Variants in AGK observed in about 807,000 individuals in gnomAD.
AGK encodes the protein acylglycerol kinase, also known as acylglycerol kinase, mitochondrial.
AGK carries 52 observed loss-of-function variants against 66.4 expected under a neutral mutation model. That is an observed-to-expected ratio of 0.78 (90% CI 0.63 to 0.99). The LOEUF (loss-of-function observed/expected upper bound fraction) is 0.99, where lower values mean the gene tolerates loss of function less well. Ranked by LOEUF, AGK falls within the 50% of genes least tolerant of loss-of-function variation. The pLI, the probability that AGK is intolerant of heterozygous loss-of-function variation, is 0.00. For missense variants in AGK, 451 were observed against 506.6 expected (o/e 0.89, Z 1.05); for synonymous variants, 182 against 181.1 (o/e 1.00, Z -0.04).
At chr7:141,607,392 A>G (rs1796487090) in intron 5 of AGK, among the ~76,000 whole-genome samples, 1 of 152,098 alleles carries the variant, frequency 6.6e-6, no homozygotes, top group Non-Finnish European at 1.5e-5. Flanking sequence ...GCAATTCCCT[A>G]ATGACATATA....
chr7:141,621,851 T>A, intron 9 of AGK, 50 bp downstream of exon 9: 8 of 1,349,744 alleles, frequency 5.9e-6, no homozygotes, highest in Non-Finnish European at 8.5e-6. Flanking sequence ...AATACTCGCT[T>A]ACATGTTAAA....
chr7:141,635,684 A>G (rs1273589575), intron 10 of AGK, among the ~76,000 whole-genome samples: 1 of 151,846 alleles, frequency 6.6e-6, no homozygotes, highest in African/African-American at 2.4e-5. Context: ...CTGTTATCCT[A>G]TTTCCCATAC....
chr7:141,581,197 C>T (rs774481637), intron 2 of AGK, among the ~76,000 whole-genome samples: 15 of 151,882 alleles, frequency 9.9e-5, no homozygotes, highest in South Asian at 2.1e-4. Context: ...TGAAGTCTTG[C>T]GGCAGTACAG....
chr7:141,628,857 A>G (rs761904553), intron 9 of AGK, among the ~76,000 whole-genome samples: 11 of 152,350 alleles, frequency 7.2e-5, no homozygotes, highest in Non-Finnish European at 1.2e-4. Context: ...TTTTTCCCAT[A>G]TAGACATCTA....
At chr7:141,583,688 C>T (rs1795933548) in intron 2 of AGK, among the ~76,000 whole-genome samples, 1 of 151,912 alleles carries the variant, frequency 6.6e-6, no homozygotes, top group Non-Finnish European at 1.5e-5. Context: ...TGATTAAACA[C>T]CAAGGGAAGA....
chr7:141,609,691 G>A (rs114800923), intron 5 of AGK, among the ~76,000 whole-genome samples: 1,628 of 152,236 alleles, frequency 0.011, 23 homozygotes, highest in African/African-American at 0.037. Context: ...CAGGCCCCTC[G>A]CTCCTCCCTG....
intron 7 of AGK, 23 bp downstream of exon 7, chr7:141,614,201 A>AT: frequency 6.8e-7 from 1 of 1,473,214 alleles, no homozygotes; most frequent in Non-Finnish European, 9.1e-7. Context: ...GAGTAATTGC[A>AT]TTTTAACTTT....
At chr7:141,643,000 T>C (rs1161162074) in intron 13 of AGK, among the ~76,000 whole-genome samples, 4 of 152,210 alleles carry the variant, frequency 2.6e-5, no homozygotes, top group African/African-American at 9.6e-5. Flanking sequence ...TACATTCAGC[T>C]TGTATGCAAA....
intron 6 of AGK, 69 bp from the exon 7 acceptor site, chr7:141,614,077 G>T: frequency 8.5e-7 from 1 of 1,178,210 alleles, no homozygotes; most frequent in South Asian, 1.4e-5. Context: ...TATGAAAATT[G>T]AATCCAATTC....
At chr7:141,568,247 A>G (rs1472046638) in intron 2 of AGK, among the ~76,000 whole-genome samples, 1 of 152,208 alleles carries the variant, frequency 6.6e-6, no homozygotes, top group Non-Finnish European at 1.5e-5. Context: ...GACCCAACAT[A>G]ACTACAAAAG....
At chr7:141,596,422 T>G in intron 3 of AGK, 140 bp from the exon 4 acceptor site, 1 of 653,092 alleles carries the variant, frequency 1.5e-6, no homozygotes. Context: ...TTCGTTAATA[T>G]GAGATCATGA....
chr7:141,630,925 A>G (rs1029595379), intron 9 of AGK, among the ~76,000 whole-genome samples: 3 of 152,230 alleles, frequency 2.0e-5, no homozygotes, highest in African/African-American at 4.8e-5. Flanking sequence ...GCTTCGAGGC[A>G]GAGAGTATGT....
At chr7:141,634,661 G>T (rs1214584884) in intron 10 of AGK, among the ~76,000 whole-genome samples, 1 of 152,204 alleles carries the variant, frequency 6.6e-6, no homozygotes, top group Non-Finnish European at 1.5e-5. Context: ...GAGCAGGACT[G>T]CAGGGGACAC....
intron 10 of AGK, among the ~76,000 whole-genome samples, chr7:141,634,309 G>A (rs1276356155): frequency 6.6e-6 from 1 of 152,202 alleles, no homozygotes; most frequent in Non-Finnish European, 1.5e-5. Context: ...TCATTCTGCA[G>A]CTGCTTAGCT....
intron 2 of AGK, among the ~76,000 whole-genome samples, chr7:141,576,901 G>T (rs1483041812): frequency 6.6e-6 from 1 of 151,994 alleles, no homozygotes; most frequent in Admixed American, 6.6e-5. Context: ...TTAGCTGGGT[G>T]TGGTGGCGGG....
intron 8 of AGK, among the ~76,000 whole-genome samples, chr7:141,618,580 A>T (rs1255048304): frequency 1.3e-5 from 2 of 152,228 alleles, no homozygotes; most frequent in Non-Finnish European, 2.9e-5. Flanking sequence ...ATTAAAACAA[A>T]TATAAATCAA....
chr7:141,554,580 G>A (rs898874962), intron 1 of AGK, among the ~76,000 whole-genome samples: 14 of 152,010 alleles, frequency 9.2e-5, no homozygotes, highest in East Asian at 3.9e-4. Context: ...ATTGTGTGCC[G>A]GATCTTACTT....
intron 5 of AGK, among the ~76,000 whole-genome samples, chr7:141,603,870 C>A (rs1180285380): frequency 2.0e-5 from 3 of 152,114 alleles, no homozygotes; most frequent in Non-Finnish European, 4.4e-5. Flanking sequence ...TCCCTAAATA[C>A]TTTTATGTGT....
At chr7:141,579,420 C>T (rs913079279) in intron 2 of AGK, among the ~76,000 whole-genome samples, 1 of 142,668 alleles carries the variant, frequency 7.0e-6, no homozygotes, top group Non-Finnish European at 1.5e-5. Context: ...AAGGCCAAAC[C>T]GAGGAATTAA....
Sources: gnomAD v4.1 joint callset for allele counts (sites outside exome capture counted in the v4.1 genomes callset) on GRCh38, gnomAD v4.1.1 for gene constraint, MANE v1.5 for transcripts, NCBI Gene and HGNC (gene_info 2026-07-23, HGNC 2026-07-21) for gene names.